The following VPS13B variants were observed in gnomAD, a reference collection of about 807,000 sequenced individuals.
The protein encoded by VPS13B is vacuolar protein sorting 13 homolog B.
In VPS13B, 285 loss-of-function variants were observed where a neutral mutation model predicts 426.4. That is an observed-to-expected ratio of 0.67 (90% CI 0.61 to 0.74). The LOEUF is 0.74. Among genes scored for constraint, VPS13B ranks in the 30% least tolerant of loss-of-function variants. The pLI is 0.00. For synonymous variants in VPS13B, 1,676 were observed against 1,676.4 expected (o/e 1.00, Z 0.01); for missense variants, 4,537 against 4,782.6 (o/e 0.95, Z 1.51).
At position 99,824,570 on chromosome 8, in the gene VPS13B, TCC is replaced by T. The variant is rs1184147283; in HGVS notation, c.9330+593_9330+594del. ...AAGAGAGGAGAGATTTTTTTTTCTC[TCC>T]ATTACATCTTAGATGTTTTCCCTTT... is the stretch of plus-strand genomic sequence containing the variant. On this transcript the variant is annotated intron_variant, in intron 51 of 61. Transcript: ENST00000357162. 7.9e-5 allele frequency among the ~76,000 whole-genome samples: 12 copies of T among 151,906 alleles called. No homozygotes were observed. The East Asian group carries it at 2.3e-3, about 29-fold the overall frequency.
At chr8:99,525,509 A>G (rs987823760) in intron 30 of VPS13B, among the ~76,000 whole-genome samples, 9 of 152,230 alleles carry the variant, frequency 5.9e-5, no homozygotes, top group African/African-American at 1.9e-4. Context: ...GGATGTTACA[A>G]TGACCCTAAT....
intron 24 of VPS13B, among the ~76,000 whole-genome samples, chr8:99,468,715 A>G (rs1351218293): frequency 6.6e-6 from 1 of 151,774 alleles, no homozygotes; most frequent in African/African-American, 2.4e-5. Flanking sequence ...ATAAAGCAAG[A>G]CTCTTTCTCT....
chr8:99,603,722 G>A (rs566831950), intron 33 of VPS13B, among the ~76,000 whole-genome samples: 132 of 152,226 alleles, frequency 8.7e-4, no homozygotes, highest in Non-Finnish European at 1.1e-3. Context: ...TTTATTTCTG[G>A]AATTTTCCAT....
intron 43 of VPS13B, among the ~76,000 whole-genome samples, chr8:99,791,655 A>T (rs964888722): frequency 6.6e-6 from 1 of 151,786 alleles, no homozygotes; most frequent in Non-Finnish European, 1.5e-5. Context: ...AAGGGCATTA[A>T]ATGATATAAA....
At chr8:99,227,050 A>T (rs1481679862) in intron 17 of VPS13B, among the ~76,000 whole-genome samples, 1 of 151,784 alleles carries the variant, frequency 6.6e-6, no homozygotes, top group Non-Finnish European at 1.5e-5. Context: ...TCATCCACAC[A>T]CTCTTCCCAG....
intron 2 of VPS13B, among the ~76,000 whole-genome samples, chr8:99,029,209 C>T (rs1842364561): frequency 2.0e-5 from 3 of 150,866 alleles, no homozygotes; most frequent in South Asian, 4.2e-4. Context: ...TCCTCACTTC[C>T]TAGATGGGAT....
intron 43 of VPS13B, among the ~76,000 whole-genome samples, chr8:99,795,654 G>A (rs1407508045): frequency 6.6e-6 from 1 of 152,186 alleles, no homozygotes; most frequent in African/African-American, 2.4e-5. Flanking sequence ...TTTCTGATAA[G>A]GTTGTAATCA....
intron 39 of VPS13B, among the ~76,000 whole-genome samples, chr8:99,759,255 C>A (rs1009835679): frequency 6.6e-6 from 1 of 152,166 alleles, no homozygotes; most frequent in Non-Finnish European, 1.5e-5. Context: ...TCCACAACTG[C>A]TGTGACTCCT....
intron 54 of VPS13B, among the ~76,000 whole-genome samples, chr8:99,837,484 T>A (rs576604785): frequency 6.6e-6 from 1 of 152,334 alleles, no homozygotes; most frequent in South Asian, 2.1e-4. Flanking sequence ...GGGAATTCTT[T>A]ACGATAGACA....
intron 39 of VPS13B, among the ~76,000 whole-genome samples, chr8:99,743,610 G>A (rs1809889260): frequency 6.6e-6 from 1 of 152,112 alleles, no homozygotes; most frequent in Admixed American, 6.5e-5. Flanking sequence ...GCATGGTACT[G>A]GTTCCAAAAT....
intron 39 of VPS13B, among the ~76,000 whole-genome samples, 153 bp from the exon 40 acceptor site, chr8:99,766,621 T>C (rs1225061275): frequency 1.3e-5 from 2 of 152,224 alleles, no homozygotes; most frequent in African/African-American, 4.8e-5. Flanking sequence ...TACAATAATA[T>C]GAAAAGAAAT....
chr8:99,249,022 T>TC (rs1233091041), intron 17 of VPS13B, among the ~76,000 whole-genome samples: 1 of 152,166 alleles, frequency 6.6e-6, no homozygotes, highest in African/African-American at 2.4e-5. Flanking sequence ...CCCCATAGCT[T>TC]CTAAGTAATT....
chr8:99,503,053 C>A, intron 27 of VPS13B, 103 bp downstream of exon 27: 1 of 830,378 alleles, frequency 1.2e-6, no homozygotes, highest in Non-Finnish European at 2.0e-6. Flanking sequence ...AAAATAAATA[C>A]TATACAGGCA....
At chr8:99,313,503 G>A (rs541767201) in intron 19 of VPS13B, among the ~76,000 whole-genome samples, 1 of 152,286 alleles carries the variant, frequency 6.6e-6, no homozygotes, top group African/African-American at 2.4e-5. Flanking sequence ...AACCACAAAT[G>A]TTGCTGCCTG....
At chr8:99,505,781 C>T (rs1821467207) in intron 27 of VPS13B, among the ~76,000 whole-genome samples, 1 of 152,060 alleles carries the variant, frequency 6.6e-6, no homozygotes, top group Admixed American at 6.6e-5. Context: ...CACAGACCTT[C>T]AATTTGGGTA....
At chr8:99,790,075 G>C (rs1047368326) in intron 43 of VPS13B, among the ~76,000 whole-genome samples, 1 of 152,114 alleles carries the variant, frequency 6.6e-6, no homozygotes, top group South Asian at 2.1e-4. Context: ...ACAGCACCAA[G>C]TGTAATGATA....
chr8:99,587,648 G>A (rs1826375982), intron 33 of VPS13B, among the ~76,000 whole-genome samples: 1 of 151,584 alleles, frequency 6.6e-6, no homozygotes, highest in Non-Finnish European at 1.5e-5. Context: ...CATATCCTTT[G>A]CCCACTTTTT....
In VPS13B at chr8:99,853,499, C is replaced by T. The variant is rs755978152; in HGVS notation, c.10110C>T (p.Ser3370=). Residue 3370 remains serine, a synonymous_variant, in exon 56 of 62, where the codon AGC becomes AGT. Transcript: ENST00000357162. The part of the protein sequence containing the change: ...VTFKMFITQL[S]LAVFDDLTHH... ...TTAAAATGTTCATCACTCAGTTAAG[C>T]CTGGCAGTGTTTGATGACCTCACCC... 7 of 1,614,160 alleles carry T rather than the reference C, an allele frequency of 4.3e-6. No individual in the cohort carries two copies. In the East Asian group the frequency reaches 1.3e-4, roughly 31 times the overall value.
rs1435592560 is a variant in VPS13B, at chr8:99,876,968, C to G, written c.*1302C>G. The G allele has an allele frequency of 1.3e-5, 2 of 152,202 alleles. No individual in the cohort carries two copies. Among genetic ancestry groups the G allele is most frequent in the Admixed American group, 1.3e-4 (2 of 15,280 alleles). 9.4% of individuals were successfully genotyped at this position (152,202 alleles called of 1,614,324 possible). On this transcript the variant is annotated 3_prime_UTR_variant, in exon 62 of 62. Coordinates refer to ENST00000357162, the MANE Select transcript of VPS13B (RefSeq NM_152564.5). The stretch of plus-strand genomic sequence containing the variant: ...CTGCCTGGGCTCAAGTGATCTTACT[C>G]CAGCCTCCCAAGCAGCTGGGACTAC...
Sources: gnomAD v4.1 joint callset for allele counts (sites outside exome capture counted in the v4.1 genomes callset) on GRCh38, gnomAD v4.1.1 for gene constraint, MANE v1.5 for transcripts, NCBI Gene and HGNC (gene_info 2026-07-23, HGNC 2026-07-21) for gene names.